AKAP13: variants seen among roughly 807,000 people sequenced by gnomAD.
AKAP13 encodes A-kinase anchoring protein 13.
Under a neutral mutation model 264.5 loss-of-function variants are expected in AKAP13, and 80 were observed. The ratio of observed to expected loss-of-function variants is 0.30; its 90% confidence interval spans 0.25 to 0.36. The LOEUF is 0.36. Among genes scored for constraint, AKAP13 ranks in the 10% least tolerant of loss-of-function variants. The pLI, the probability that AKAP13 is intolerant of heterozygous loss-of-function variation, is 1.00. For synonymous variants in AKAP13, 1,380 were observed against 1,250.2 expected (o/e 1.10, Z -2.19); for missense variants, 3,712 against 3,435.2 (o/e 1.08, Z -2.01).
chr15:85,551,943 T>C (rs2077973943), intron 5 of AKAP13, among the ~76,000 whole-genome samples: 1 of 152,238 alleles, frequency 6.6e-6, no homozygotes, highest in African/African-American at 2.4e-5. Context: ...TTGAACATTT[T>C]ACCTGCATTT....
intron 8 of AKAP13, among the ~76,000 whole-genome samples, chr15:85,627,241 T>C (rs1278646246): frequency 6.6e-6 from 1 of 152,154 alleles, no homozygotes; most frequent in African/African-American, 2.4e-5. Context: ...TTGCAGGACA[T>C]ATTGTTATTT....
chr15:85,649,817 G>A (rs1208101076), intron 10 of AKAP13, among the ~76,000 whole-genome samples: 1 of 152,120 alleles, frequency 6.6e-6, no homozygotes, highest in African/African-American at 2.4e-5. Flanking sequence ...TTTGGCACTA[G>A]CTAAGAGAGA....
chr15:85,512,848 TG>T (rs2076481051), intron 2 of AKAP13, among the ~76,000 whole-genome samples: 1 of 151,712 alleles, frequency 6.6e-6, no homozygotes, highest in Non-Finnish European at 1.5e-5. Flanking sequence ...TATGTATGTA[TG>T]TATGTATGTA....
intron 2 of AKAP13, among the ~76,000 whole-genome samples, chr15:85,508,051 G>T (rs564747203): frequency 6.6e-6 from 1 of 152,130 alleles, no homozygotes; most frequent in South Asian, 2.1e-4. Flanking sequence ...TTACAGATGG[G>T]TTTCAGCAAG....
chr15:85,553,273 A>G (rs1191583763), intron 5 of AKAP13, among the ~76,000 whole-genome samples: 6 of 152,020 alleles, frequency 3.9e-5, no homozygotes, highest in Non-Finnish European at 7.4e-5. Context: ...GTTTTAGTAG[A>G]AACAGGGTTT....
intron 19 of AKAP13, among the ~76,000 whole-genome samples, chr15:85,715,170 G>A (rs1027743690): frequency 6.6e-6 from 1 of 152,024 alleles, no homozygotes; most frequent in Non-Finnish European, 1.5e-5. Context: ...ATGAAAGATA[G>A]CCTGTTATAT....
intron 33 of AKAP13, among the ~76,000 whole-genome samples, chr15:85,739,024 A>C (rs2088765279): frequency 6.6e-6 from 1 of 152,200 alleles, no homozygotes; most frequent in African/African-American, 2.4e-5. Context: ...CATTTCCCCA[A>C]GGCATGTTTT....
chr15:85,487,923 G>A lies in AKAP13; in HGVS notation c.33+2170G>A, dbSNP rs564673011. Among the ~76,000 whole-genome samples, 11 of 152,156 alleles carry A rather than the reference G, an allele frequency of 7.2e-5. 1 individual carries two copies. Among genetic ancestry groups the A allele is most frequent in the African/African-American group, 2.7e-4 (11 of 41,494 alleles). ...TTTATTTATGTATTTATTGAGACAA[G>A]GTCTTGCTCTGTCACCCAGGCTGGA... On this transcript the variant is annotated intron_variant, in intron 2 of 36. Coordinates refer to ENST00000394518, the MANE Select transcript of AKAP13 (RefSeq NM_007200.5).
intron 8 of AKAP13, among the ~76,000 whole-genome samples, chr15:85,629,924 C>T (rs574558764): frequency 1.6e-4 from 24 of 151,524 alleles, no homozygotes; most frequent in African/African-American, 5.6e-4. Flanking sequence ...GGATTACAGG[C>T]GCCCACAACC....
chr15:85,733,369 G>T (rs1239794141), intron 30 of AKAP13, among the ~76,000 whole-genome samples: 2 of 152,000 alleles, frequency 1.3e-5, no homozygotes, highest in African/African-American at 4.8e-5. Context: ...TAAGTAACAT[G>T]CTCTTTGCCT....
chr15:85,645,689 A>G (rs1023267958), intron 9 of AKAP13, 129 bp from the exon 10 acceptor site: 76 of 963,000 alleles, frequency 7.9e-5, no homozygotes, highest in Non-Finnish European at 8.5e-5. Flanking sequence ...TAAGGAGGGA[A>G]GGAAGAGAAA....
intron 8 of AKAP13, among the ~76,000 whole-genome samples, chr15:85,593,093 T>C (rs1471179236): frequency 6.6e-6 from 1 of 152,140 alleles, no homozygotes; most frequent in African/African-American, 2.4e-5. Context: ...GTGGATCACA[T>C]GAGGCCAGGA....
At position 85,578,435 on chromosome 15, in the gene AKAP13, C is replaced by T. The variant is rs1273164155; in HGVS notation, c.862-495C>T. 4.6e-4 allele frequency among the ~76,000 whole-genome samples: 70 copies of T among 152,150 alleles called. 2 individuals carry two copies. Among genetic ancestry groups the T allele is most frequent in the Admixed American group, 4.5e-3 (68 of 15,278 alleles). ...CTGTCTCGGCTCACTGCAACCTCCGCCTCCCGGGTACAAGCAATTCTCCTG... is the reference window on the plus strand; with the variant it reads ...CTGTCTCGGCTCACTGCAACCTCCGTCTCCCGGGTACAAGCAATTCTCCTG... On this transcript the variant is annotated intron_variant, in intron 6 of 36. Coordinates refer to ENST00000394518, the MANE Select transcript of AKAP13 (RefSeq NM_007200.5).
At chr15:85,740,778 C>G (rs184019539) in intron 34 of AKAP13, among the ~76,000 whole-genome samples, 6,132 of 113,132 alleles carry the variant, frequency 0.054, 360 homozygotes, top group East Asian at 0.23. Context: ...CACAACCACC[C>G]CCCCCCCCAC....
At position 85,592,664 on chromosome 15, in the gene AKAP13, A is replaced by G. The variant is rs561415185; in HGVS notation, c.4161+6841A>G. On this transcript the variant is annotated intron_variant, in intron 8 of 36. Coordinates refer to ENST00000394518, the MANE Select transcript of AKAP13 (RefSeq NM_007200.5). The stretch of plus-strand genomic sequence containing the variant: ...CAAAGCTAGAGCTAGCATCAACCAC[A>G]CAAAATTTAATTCTCAGTTTTTTTC... Among the ~76,000 whole-genome samples, 32 of 152,328 alleles carry G rather than the reference A, an allele frequency of 2.1e-4. No individual in the cohort carries two copies. The South Asian group carries it at 6.6e-3, about 32-fold the overall frequency.
intron 4 of AKAP13, among the ~76,000 whole-genome samples, chr15:85,542,881 A>G (rs1376966394): frequency 2.0e-5 from 3 of 152,150 alleles, no homozygotes; most frequent in Admixed American, 2.0e-4. Flanking sequence ...ACCTCTTCTC[A>G]TTTGTTACAC....
intron 1 of AKAP13, among the ~76,000 whole-genome samples, chr15:85,465,057 C>CA (rs1424801139): frequency 6.6e-6 from 1 of 152,010 alleles, no homozygotes; most frequent in Admixed American, 6.5e-5. Flanking sequence ...ACTCCTGCCT[C>CA]AGCCTCCTGA....
chr15:85,554,391 ATC>A (rs2078066878), intron 5 of AKAP13, among the ~76,000 whole-genome samples: 1 of 152,158 alleles, frequency 6.6e-6, no homozygotes, highest in South Asian at 2.1e-4. Context: ...TGAATATGAT[ATC>A]TCTTTTAACC....
intron 1 of AKAP13, among the ~76,000 whole-genome samples, chr15:85,439,830 G>A (rs1266627181): frequency 1.0e-5 from 1 of 99,586 alleles, no homozygotes; most frequent in African/African-American, 3.9e-5. Context: ...TGGGGTGGGG[G>A]GAGGGGGGAG....
Sources: allele counts gnomAD v4.1 joint callset (sites outside exome capture counted in the v4.1 genomes callset), GRCh38; gene constraint gnomAD v4.1.1; transcripts MANE v1.5; gene names NCBI Gene and HGNC (gene_info 2026-07-23, HGNC 2026-07-21).